TJP1: variants seen among roughly 807,000 people sequenced by gnomAD.
TJP1 encodes tight junction protein ZO-1.
Under a neutral mutation model 194.2 loss-of-function variants are expected in TJP1, and 43 were observed. That is an observed-to-expected ratio of 0.22 (90% CI 0.17 to 0.29). The LOEUF (loss-of-function observed/expected upper bound fraction) is 0.29. TJP1 is among the 10% of genes least tolerant of loss of function. The probability of loss-of-function intolerance (pLI) is 1.00; values close to 1 mark genes in which losing one functional copy is unlikely to be tolerated. For missense variants in TJP1, 1,971 were observed against 2,185.7 expected (o/e 0.90, Z 1.96); for synonymous variants, 801 against 779.0 (o/e 1.03, Z -0.47).
At chr15:29,818,178 A>C (rs1384769399) in intron 1 of TJP1, among the ~76,000 whole-genome samples, 1 of 152,230 alleles carries the variant, frequency 6.6e-6, no homozygotes, top group East Asian at 1.9e-4. Flanking sequence ...TAACAAAAAC[A>C]TTTAAGTATT....
chr15:29,877,584 CT>C (rs1330855658), intron 2 of TJP1, among the ~76,000 whole-genome samples: 1 of 150,176 alleles, frequency 6.7e-6, no homozygotes, highest in African/African-American at 2.4e-5. Context: ...TCTTTCTTTC[CT>C]TCCTTCCTTT....
upstream of TJP1, chr15:29,822,555 G>A (rs1366194775): frequency 4.5e-6 from 4 of 881,184 alleles, no homozygotes; most frequent in African/African-American, 7.2e-5. Flanking sequence ...GCGGGGAGGG[G>A]GCGGGGCCGC....
chr15:29,787,204 A>G (rs985008228), intron 2 of TJP1, among the ~76,000 whole-genome samples: 13 of 152,192 alleles, frequency 8.5e-5, no homozygotes, highest in Non-Finnish European at 1.2e-4. Flanking sequence ...AGTTGTAACC[A>G]TCACTGGTTA....
intron 4 of TJP1, among the ~76,000 whole-genome samples, chr15:29,770,143 A>T (rs1018328402): frequency 6.6e-6 from 1 of 152,126 alleles, no homozygotes; most frequent in Admixed American, 6.5e-5. Flanking sequence ...AAAGTTTAAA[A>T]AGTGAAAAAT....
At chr15:29,932,103 CCT>C (rs1474452356) in intron 2 of TJP1, among the ~76,000 whole-genome samples, 1 of 152,178 alleles carries the variant, frequency 6.6e-6, no homozygotes, top group Non-Finnish European at 1.5e-5. Context: ...TGTGCTGTCT[CCT>C]GTCTCATCCT....
chr15:29,705,281 C>A (rs960931828), intron 26 of TJP1, among the ~76,000 whole-genome samples: 1 of 152,198 alleles, frequency 6.6e-6, no homozygotes, highest in Non-Finnish European at 1.5e-5. Context: ...TGAGACATCC[C>A]GTGGCCTGTC....
intron 2 of TJP1, among the ~76,000 whole-genome samples, chr15:29,936,950 A>C (rs1016988735): frequency 1.3e-5 from 2 of 152,064 alleles, no homozygotes; most frequent in African/African-American, 4.8e-5. Flanking sequence ...TCCTTCTCCA[A>C]CCAATTTCCC....
At chr15:29,925,570 A>C (rs1323608549) in intron 2 of TJP1, among the ~76,000 whole-genome samples, 1 of 152,174 alleles carries the variant, frequency 6.6e-6, no homozygotes, top group Non-Finnish European at 1.5e-5. Flanking sequence ...ATTCACCAAG[A>C]GGCTGGGACA....
intron 1 of TJP1, among the ~76,000 whole-genome samples, chr15:29,958,676 C>T (rs570134490): frequency 6.6e-6 from 1 of 152,198 alleles, no homozygotes; most frequent in South Asian, 2.1e-4. Context: ...CACACACACA[C>T]ATAAACTCAT....
At chr15:29,754,915 G>A (rs2045548924) in intron 8 of TJP1, among the ~76,000 whole-genome samples, 1 of 152,128 alleles carries the variant, frequency 6.6e-6, no homozygotes, top group African/African-American at 2.4e-5. Flanking sequence ...ACAGTAAGAT[G>A]AAATAATATT....
At position 29,705,871 on chromosome 15, in the gene TJP1, A is replaced by G. The variant is rs574717944; in HGVS notation, c.4851-126T>C. ...ATAATCAAGAAGTTACTTTAACAAG[A>G]TAAGTTTCTGGCAACAGATTTTACT... On this transcript the variant is annotated intron_variant, in intron 25 of 27. Transcript: ENST00000614355. 2.6e-4 allele frequency: 199 copies of G among 778,818 alleles called. 1 individual carries two copies. Among genetic ancestry groups the G allele is most frequent in the African/African-American group, 4.9e-4 (28 of 57,502 alleles). The allele number at this position is 778,818 out of a possible 1,614,324, so 48.2% of individuals were successfully genotyped here.
chr15:29,733,071 G>A, intron 13 of TJP1, 23 bp downstream of exon 13: 2 of 1,601,912 alleles, frequency 1.2e-6, no homozygotes, highest in Admixed American at 1.7e-5. Flanking sequence ...TTCACTCTAT[G>A]AGAAGTATCC....
chr15:29,702,335 A>T (rs567703936), intron 27 of TJP1, among the ~76,000 whole-genome samples: 1 of 152,268 alleles, frequency 6.6e-6, no homozygotes, highest in East Asian at 1.9e-4. Flanking sequence ...CAGCTTCAAA[A>T]ACTCATTGAC....
intron 2 of TJP1, among the ~76,000 whole-genome samples, chr15:29,863,798 C>T (rs1321947483): frequency 6.6e-6 from 1 of 152,170 alleles, no homozygotes; most frequent in Non-Finnish European, 1.5e-5. Context: ...CCCCATCCCC[C>T]AGAATGATGA....
chr15:29,809,169 AAT>A (rs1379882468), intron 1 of TJP1, among the ~76,000 whole-genome samples: 2 of 152,236 alleles, frequency 1.3e-5, no homozygotes, highest in African/African-American at 4.8e-5. Flanking sequence ...AATAATTTAA[AAT>A]ATCTCACCTA....
Position 29,876,334 on chromosome 15 carries a change from A to C in TJP1, c.307-75632T>G, listed in dbSNP as rs181329302. On this transcript the variant is annotated intron_variant, in intron 2 of 28. Transcript: ENST00000356107. ...TAGGAGTTCGAAACCAGCTTGACCA[A>C]CATGGTGAAACTCCGTCTCTACTAA... 5.2e-3 allele frequency among the ~76,000 whole-genome samples: 799 copies of C among 152,256 alleles called. 5 individuals carry two copies. Among genetic ancestry groups the C allele is most frequent in the Middle Eastern group, 6.8e-3 (2 of 294 alleles).
At chr15:29,869,792 TTTC>T (rs1567150547) in intron 2 of TJP1, among the ~76,000 whole-genome samples, 2 of 123,702 alleles carry the variant, frequency 1.6e-5, no homozygotes, top group African/African-American at 2.9e-5. Context: ...TCTTTCTTTC[TTTC>T]TTTTTTTTTT....
chr15:29,783,230 T>A (rs546263410), intron 2 of TJP1, among the ~76,000 whole-genome samples: 1 of 152,092 alleles, frequency 6.6e-6, no homozygotes, highest in African/African-American at 2.4e-5. Context: ...GCCAAGATTG[T>A]GCCACTGCAC....
At chr15:29,783,333 A>T (rs7176594) in intron 2 of TJP1, among the ~76,000 whole-genome samples, 115,021 of 151,930 alleles carry the variant, frequency 0.76, 44,471 homozygotes, top group East Asian at 0.86. Flanking sequence ...GGCTAATATT[A>T]AAAAAAGTCA....
Sources: allele counts gnomAD v4.1 joint callset (sites outside exome capture counted in the v4.1 genomes callset), GRCh38; gene constraint gnomAD v4.1.1; transcripts MANE v1.5; gene names NCBI Gene and HGNC (gene_info 2026-07-23, HGNC 2026-07-21).